The following ZFYVE1 variants were observed in gnomAD, a reference collection of about 807,000 sequenced individuals.
ZFYVE1 encodes the protein zinc finger FYVE domain-containing protein 1.
ZFYVE1 carries 30 observed loss-of-function variants against 74.4 expected under a neutral mutation model. That is an observed-to-expected ratio of 0.40 (90% CI 0.30 to 0.55). The LOEUF is 0.55. Among genes scored for constraint, ZFYVE1 ranks in the 20% least tolerant of loss-of-function variants. ZFYVE1 has a pLI of 0.42. For synonymous variants in ZFYVE1, 335 were observed against 385.1 expected (o/e 0.87, Z 1.52); for missense variants, 703 against 1,011.6 (o/e 0.69, Z 4.14).
chr14:72,973,593 C>T (rs990540565), intron 11 of ZFYVE1, among the ~76,000 whole-genome samples: 4 of 152,098 alleles, frequency 2.6e-5, no homozygotes, highest in African/African-American at 4.8e-5. Flanking sequence ...TTAAGAAGTG[C>T]CAAAGAAACC....
intron 4 of ZFYVE1, among the ~76,000 whole-genome samples, chr14:72,988,929 C>CTT (rs34464072): frequency 0.036 from 4,301 of 118,076 alleles, 162 homozygotes; most frequent in Non-Finnish European, 0.056. Context: ...GCAATTTCTT[C>CTT]TTTTTTTTTT....
chr14:72,979,601 C>T (rs1220403437), intron 5 of ZFYVE1, among the ~76,000 whole-genome samples: 1 of 151,544 alleles, frequency 6.6e-6, no homozygotes, highest in African/African-American at 2.4e-5. Flanking sequence ...TTGCAGTAAG[C>T]CAAGATCACA....
intron 2 of ZFYVE1, among the ~76,000 whole-genome samples, chr14:73,012,395 G>A (rs745449553): frequency 7.2e-5 from 11 of 152,134 alleles, no homozygotes; most frequent in Non-Finnish European, 1.5e-4. Context: ...GCTGAGGCGG[G>A]TGGATCACCT....
Position 73,024,259 on chromosome 14 carries a change from C to T in ZFYVE1, c.250G>A (p.Val84Ile). The change falls in exon 2 of 12, where the codon GTT becomes ATT. Residue 84 changes from valine to isoleucine, a missense_variant. This residue lies in a region of ZFYVE1 where 211 missense variants were observed against 221.7 expected (regional missense o/e 0.95). Coordinates refer to ENST00000556143, the MANE Select transcript of ZFYVE1 (RefSeq NM_021260.4). ...CACCTCACTATTGCCCTCTGCCTAA[C>T]ACCTGGTAAATGCCCACTGAGACCC... ...CKGLSGHLPG[V>I]RQRAIVRCQT... The T allele has an allele frequency of 6.2e-7, 1 of 1,614,212 alleles. No individual in the cohort carries two copies. Among genetic ancestry groups the T allele is most frequent in the Non-Finnish European group, 8.5e-7 (1 of 1,180,046 alleles).
chr14:73,027,094 A>T lies in ZFYVE1; in HGVS notation c.-603T>A. 1 of 398,884 alleles carries T rather than the reference A, an allele frequency of 2.5e-6. No homozygotes were observed. The highest frequency in any genetic ancestry group is 4.4e-6 in the Non-Finnish European group (1 of 226,270). 24.7% of individuals were successfully genotyped at this position (398,884 alleles called of 1,614,324 possible). On this transcript the variant is annotated 5_prime_UTR_variant, in exon 1 of 12. Coordinates refer to ENST00000556143, the MANE Select transcript of ZFYVE1 (RefSeq NM_021260.4). ...TCCTCTCCTGTTGTCAGTTGGGATC[A>T]GCTGATCGGAGTGAACTTCTCCCAG...
At chr14:73,026,900 T>C (rs1359987556) in intron 1 of ZFYVE1, 26 bp downstream of exon 1, 4 of 200,652 alleles carry the variant, frequency 2.0e-5, no homozygotes, top group Admixed American at 6.2e-5. Context: ...CGCCCTGCCC[T>C]GCCCGCCGCG....
intron 2 of ZFYVE1, among the ~76,000 whole-genome samples, chr14:72,998,612 A>T (rs1406462692): frequency 6.6e-6 from 1 of 152,204 alleles, no homozygotes; most frequent in Non-Finnish European, 1.5e-5. Flanking sequence ...CTTAGAGGAA[A>T]ACAAAGTAAT....
At chr14:73,016,417 A>G (rs1894204030) in intron 2 of ZFYVE1, among the ~76,000 whole-genome samples, 1 of 151,948 alleles carries the variant, frequency 6.6e-6, no homozygotes, top group South Asian at 2.1e-4. Context: ...AGGCTGAGGC[A>G]AGAGAATGGC....
chr14:72,998,256 T>C lies in ZFYVE1; in HGVS notation c.543A>G (p.Lys181=). Residue 181 remains lysine (K), a synonymous_variant, in exon 3 of 12, where the codon AAA becomes AAG. Coordinates refer to ENST00000556143, the MANE Select transcript of ZFYVE1 (RefSeq NM_021260.4). ...CAGTATTTCCAAAAATGGAAACCAC[T>C]TTCAGATGCTGATCAGGTTTGCAGT... ...KLDCKPDQHL[K]VVSIFGNTGD... 1 of 1,610,542 alleles carries C rather than the reference T, an allele frequency of 6.2e-7. No homozygotes were observed. The highest frequency in any genetic ancestry group is 8.5e-7 in the Non-Finnish European group (1 of 1,178,552).
intron 1 of ZFYVE1, among the ~76,000 whole-genome samples, chr14:73,026,489 C>G (rs1394010887): frequency 6.6e-5 from 10 of 152,168 alleles, no homozygotes; most frequent in Non-Finnish European, 8.8e-5. Context: ...TTACTACAAT[C>G]TAACCTCAGA....
intron 2 of ZFYVE1, 32 bp downstream of exon 2, chr14:73,023,994 A>G: frequency 6.2e-7 from 1 of 1,601,022 alleles, no homozygotes; most frequent in Non-Finnish European, 8.5e-7. Flanking sequence ...CTGCTCCACT[A>G]CACATGAATC....
chr14:73,018,231 G>C (rs992103470), intron 2 of ZFYVE1, among the ~76,000 whole-genome samples: 1 of 151,914 alleles, frequency 6.6e-6, no homozygotes, highest in Non-Finnish European at 1.5e-5. Flanking sequence ...TGGAGTCCAA[G>C]ACTAGCCTGG....
intron 2 of ZFYVE1, among the ~76,000 whole-genome samples, chr14:73,006,410 A>C (rs960370237): frequency 4.6e-5 from 7 of 151,766 alleles, no homozygotes; most frequent in African/African-American, 1.7e-4. Context: ...CCCCATCTCC[A>C]CTAAAAATAT....
intron 4 of ZFYVE1, chr14:72,986,863 A>C: frequency 3.0e-6 from 3 of 984,654 alleles, no homozygotes; most frequent in Non-Finnish European, 3.6e-6. Flanking sequence ...TGATCCATAT[A>C]CTTATTAGCA....
chr14:72,969,712 A>C lies in ZFYVE1; in HGVS notation c.*1170T>G. The C allele has an allele frequency of 1.4e-6, 1 of 702,610 alleles. No homozygotes were observed. The allele number at this position is 702,610 out of a possible 1,614,324, so 43.5% of individuals were successfully genotyped here. A position where few individuals can be genotyped will look rare whatever the true frequency, so the allele number is the denominator to read the frequency against. On this transcript the variant is annotated 3_prime_UTR_variant, in exon 12 of 12. Transcript: ENST00000556143. ...AAATCCACCATGATGATAGGATTTC[A>C]GCACAACGGGCCCTTTCCAGTCATG...
chr14:72,986,444 A>G (rs960330313), intron 4 of ZFYVE1, among the ~76,000 whole-genome samples: 1 of 150,744 alleles, frequency 6.6e-6, no homozygotes, highest in Non-Finnish European at 1.5e-5. Flanking sequence ...CTTTACAAGA[A>G]TCAAGAGTGT....
intron 2 of ZFYVE1, among the ~76,000 whole-genome samples, chr14:73,008,550 T>C (rs955329): frequency 0.13 from 19,737 of 152,184 alleles, 1,583 homozygotes; most frequent in East Asian, 0.2. Context: ...TTTGACCACA[T>C]CCAACACACC....
At chr14:72,986,557 C>G (rs1893486229) in intron 4 of ZFYVE1, among the ~76,000 whole-genome samples, 1 of 145,686 alleles carries the variant, frequency 6.9e-6, no homozygotes, top group Non-Finnish European at 1.5e-5. Context: ...ATCTAATCAG[C>G]TTTTCCTTTT....
intron 2 of ZFYVE1, among the ~76,000 whole-genome samples, chr14:73,009,988 T>A (rs1457249942): frequency 2.0e-5 from 3 of 151,896 alleles, no homozygotes; most frequent in African/African-American, 4.8e-5. Flanking sequence ...ATGCCTGTAG[T>A]TCCAGCTACC....
Sources: gnomAD v4.1 joint callset for allele counts (sites outside exome capture counted in the v4.1 genomes callset) on GRCh38, gnomAD v4.1.1 for gene constraint, gnomAD v4.1.1 regional missense constraint, MANE v1.5 for transcripts, NCBI Gene and HGNC (gene_info 2026-07-23, HGNC 2026-07-21) for gene names.